Variants in FGF12 observed in about 807,000 individuals in gnomAD.
FGF12 encodes fibroblast growth factor 12.
In FGF12, 14 loss-of-function variants were observed where a neutral mutation model predicts 23.6. The ratio of observed to expected loss-of-function variants is 0.59; its 90% confidence interval spans 0.39 to 0.93. The LOEUF (loss-of-function observed/expected upper bound fraction) is 0.93, where lower values mean the gene tolerates loss of function less well. FGF12 is among the 40% of genes least tolerant of loss of function. FGF12 has a pLI of 0.00. For synonymous variants in FGF12, 62 were observed against 77.3 expected (o/e 0.80, Z 1.04); for missense variants, 175 against 217.8 (o/e 0.80, Z 1.24).
chr3:192,561,399 T>G lies in FGF12; in HGVS notation c.13+165782A>C, dbSNP rs187158429. Among the ~76,000 whole-genome samples the G allele has an allele frequency of 2.5e-3, 385 of 152,076 alleles. 2 individuals are homozygous for G. The highest frequency in any genetic ancestry group is 4.3e-3 in the Admixed American group (66 of 15,268). ...TTTTTTTGAGACAGAGTCTCGCTCT[T>G]TCACCCAGGCTGGAGTGCAGTGGTG... On this transcript the variant is annotated intron_variant, in intron 2 of 5. Coordinates refer to ENST00000445105, the MANE Select transcript of FGF12 (RefSeq NM_004113.6).
At chr3:192,246,603 C>T (rs2108600597) in intron 4 of FGF12, among the ~76,000 whole-genome samples, 1 of 152,128 alleles carries the variant, frequency 6.6e-6, no homozygotes, top group Non-Finnish European at 1.5e-5. Context: ...GTGGGTGGAT[C>T]ACCTGAGGTC....
At chr3:192,374,038 T>C (rs749997159) in intron 2 of FGF12, among the ~76,000 whole-genome samples, 3 of 152,242 alleles carry the variant, frequency 2.0e-5, no homozygotes, top group Admixed American at 6.5e-5. Flanking sequence ...TGACACATTG[T>C]ATTAAGAAAA....
intron 2 of FGF12, among the ~76,000 whole-genome samples, chr3:192,698,868 G>A (rs1252665059): frequency 2.0e-5 from 3 of 152,146 alleles, no homozygotes; most frequent in Non-Finnish European, 4.4e-5. Context: ...CCAGTGAGAA[G>A]ACCTTAGTTG....
At chr3:192,432,636 AAAAAAAGAAAG>A (rs1362956195) in intron 2 of FGF12, among the ~76,000 whole-genome samples, 6 of 135,082 alleles carry the variant, frequency 4.4e-5, no homozygotes, top group African/African-American at 1.5e-4. Context: ...AAAAAAAAAA[AAAAAAAGAAAG>A]AAAGAAAGAA....
At chr3:192,522,025 C>T (rs1208945032) in intron 2 of FGF12, among the ~76,000 whole-genome samples, 1 of 151,992 alleles carries the variant, frequency 6.6e-6, no homozygotes, top group Non-Finnish European at 1.5e-5. Context: ...AGTGAAACCC[C>T]ATCTCTACTA....
At chr3:192,258,275 T>C (rs1205947829) in intron 4 of FGF12, among the ~76,000 whole-genome samples, 2 of 152,098 alleles carry the variant, frequency 1.3e-5, no homozygotes, top group African/African-American at 4.8e-5. Flanking sequence ...ATGGCCAATA[T>C]GGCAAAACCC....
chr3:192,639,844 A>G (rs1250436225), intron 2 of FGF12, among the ~76,000 whole-genome samples: 1 of 152,204 alleles, frequency 6.6e-6, no homozygotes, highest in Non-Finnish European at 1.5e-5. Flanking sequence ...CCAAACCCCT[A>G]TAGACACTAA....
At chr3:192,416,527 C>T (rs1433470668) in intron 2 of FGF12, among the ~76,000 whole-genome samples, 1 of 152,038 alleles carries the variant, frequency 6.6e-6, no homozygotes, top group Non-Finnish European at 1.5e-5. Context: ...AACAGATCAG[C>T]AGATGAGTGG....
chr3:192,400,444 T>C (rs1720714235), intron 2 of FGF12, among the ~76,000 whole-genome samples: 2 of 149,670 alleles, frequency 1.3e-5, no homozygotes, highest in Non-Finnish European at 3.0e-5. Flanking sequence ...CCTTGGCTCA[T>C]TGCAACTTCC....
At chr3:192,462,546 A>G (rs761912266) in intron 2 of FGF12, among the ~76,000 whole-genome samples, 4 of 152,188 alleles carry the variant, frequency 2.6e-5, no homozygotes, top group Admixed American at 6.5e-5. Context: ...CTCAATCTCC[A>G]TAAGTGTAAG....
intron 2 of FGF12, among the ~76,000 whole-genome samples, chr3:192,608,691 G>A (rs146962030): frequency 6.6e-6 from 1 of 152,202 alleles, no homozygotes; most frequent in Non-Finnish European, 1.5e-5. Context: ...ACATCTAGAA[G>A]CAGATGATTT....
At chr3:192,473,693 C>T (rs1014492724) in intron 2 of FGF12, among the ~76,000 whole-genome samples, 2 of 152,204 alleles carry the variant, frequency 1.3e-5, no homozygotes, top group African/African-American at 4.8e-5. Context: ...ACTTGTCATA[C>T]ATTCTCTGGG....
chr3:192,471,727 T>A lies in FGF12; in HGVS notation c.14-111189A>T, dbSNP rs1419403804. ...GAGCTGGGATATTCTGAGCCATGGC[T>A]AATTTATGCTCAAAATGAACATGTG... On this transcript the variant is annotated intron_variant, in intron 2 of 5. Transcript: ENST00000445105. Among the ~76,000 whole-genome samples, 3 of 152,256 alleles carry A rather than the reference T, an allele frequency of 2.0e-5. No homozygotes were observed. The East Asian group carries it at 5.8e-4, about 29-fold the overall frequency.
chr3:192,460,001 T>C (rs1156278904), intron 2 of FGF12, among the ~76,000 whole-genome samples: 1 of 152,058 alleles, frequency 6.6e-6, no homozygotes, highest in Non-Finnish European at 1.5e-5. Context: ...TAGATCAATC[T>C]AGTCTTCGAG....
rs537436982 is a variant in FGF12, at chr3:192,455,816, C to T, written c.14-95278G>A. On this transcript the variant is annotated intron_variant, in intron 2 of 5. Transcript: ENST00000445105. ...GTAACTGAGAATATGTTCAGAATAA[C>T]CACACGCCTCCATGATACCAAATGT... Among the ~76,000 whole-genome samples, 23 of 152,296 alleles carry T rather than the reference C, an allele frequency of 1.5e-4. 1 individual carries two copies. Among genetic ancestry groups the T allele is most frequent in the African/African-American group, 5.5e-4 (23 of 41,566 alleles).
Position 192,727,209 on chromosome 3 carries a change from G to C in FGF12, c.-16C>G. The C allele has an allele frequency of 6.3e-7, 1 of 1,577,326 alleles. No individual in the cohort carries two copies. The highest frequency in any genetic ancestry group is 2.3e-5 in the East Asian group (1 of 43,030). On this transcript the variant is annotated 5_prime_UTR_variant, in exon 2 of 6. Transcript: ENST00000445105. ...TGCTCTCCATTTCGGTCCCTTTCGA[G>C]TGCTGGGAAGTTCAATGGAAGTTGG... is the stretch of plus-strand genomic sequence containing the variant.
intron 4 of FGF12, among the ~76,000 whole-genome samples, chr3:192,237,278 C>A (rs1219006012): frequency 3.3e-5 from 5 of 152,108 alleles, no homozygotes; most frequent in Non-Finnish European, 7.4e-5. Context: ...TTTTCTTCCA[C>A]ATTGGTTTCG....
intron 2 of FGF12, among the ~76,000 whole-genome samples, chr3:192,657,881 C>T (rs1489138880): frequency 6.6e-6 from 1 of 152,102 alleles, no homozygotes; most frequent in Non-Finnish European, 1.5e-5. Context: ...ATAAAATTTT[C>T]AGAAGTAATA....
intron 4 of FGF12, among the ~76,000 whole-genome samples, chr3:192,180,417 C>T (rs193120375): frequency 6.6e-6 from 1 of 152,274 alleles, no homozygotes; most frequent in East Asian, 1.9e-4. Context: ...TTGAAAATGC[C>T]TTTGGTTCTT....
Sources: allele counts gnomAD v4.1 joint callset (sites outside exome capture counted in the v4.1 genomes callset), GRCh38; gene constraint gnomAD v4.1.1; transcripts MANE v1.5; gene names NCBI Gene and HGNC (gene_info 2026-07-23, HGNC 2026-07-21).